PANK1: variants seen among roughly 807,000 people sequenced by gnomAD.
PANK1 encodes pantothenic acid kinase 1.
Under a neutral mutation model 40.1 loss-of-function variants are expected in PANK1, and 18 were observed. That is an observed-to-expected ratio of 0.45 (90% CI 0.31 to 0.67). The LOEUF is 0.67. Among genes scored for constraint, PANK1 ranks in the 30% least tolerant of loss-of-function variants. The pLI is 0.06. For missense variants in PANK1, 457 were observed against 599.6 expected (o/e 0.76, Z 2.48); for synonymous variants, 242 against 237.7 (o/e 1.02, Z -0.17).
In PANK1 at chr10:89,601,309, T is replaced by TAAA. The variant is rs11317815; in HGVS notation, c.646-1807_646-1805dup. 5.5e-4 allele frequency among the ~76,000 whole-genome samples: 29 copies of TAAA among 52,658 alleles called. 1 individual carries two copies. The highest frequency in any genetic ancestry group is 4.8e-3 in the South Asian group (5 of 1,044). The allele number at this position is 52,658 out of a possible 152,430, so 34.5% of individuals were successfully genotyped here. On this transcript the variant is annotated intron_variant, in intron 2 of 6. Transcript: ENST00000307534. ...GGGCAATATACGGAGACCCATCTCTTAAAAAAAAAAAAAAAAAAAAAAAAA... is the reference window on the plus strand; with the variant it reads ...GGGCAATATACGGAGACCCATCTCTTAAAAAAAAAAAAAAAAAAAAAAAAAAAA...
In PANK1 at chr10:89,644,643, G is replaced by A; in HGVS notation, c.249C>T (p.Cys83=). Residue 83 remains cysteine, a synonymous_variant, in exon 1 of 7, where the codon TGC becomes TGT. Coordinates refer to ENST00000307534, the MANE Select transcript of PANK1 (RefSeq NM_148977.3). ...LPQHDSPAKK[C]RLRRRMDSGR... ...CCGAGTCCATCCTCCTCCGCAGCCG[G>A]CATTTCTTGGCCGGGGAGTCATGCT... 3 of 1,583,272 alleles carry A rather than the reference G, an allele frequency of 1.9e-6. No individual in the cohort carries two copies. The highest frequency in any genetic ancestry group is 1.4e-5 in the African/African-American group (1 of 72,710).
rs189101497 is a variant in PANK1, at chr10:89,584,247, G to A, written c.*159C>T. On this transcript the variant is annotated 3_prime_UTR_variant, in exon 7 of 7. Transcript: ENST00000307534. ...TGAATCATTAGCTCAAAACCTAAGA[G>A]TAAAAGATCATCTGGAAGGATTTTA... The A allele has an allele frequency of 2.0e-4, 122 of 600,578 alleles. 1 individual carries two copies. The South Asian group carries it at 2.8e-3, about 14-fold the overall frequency. The allele number at this position is 600,578 out of a possible 1,614,324, so 37.2% of individuals were successfully genotyped here. A position where few individuals can be genotyped will look rare whatever the true frequency, so the allele number is the denominator to read the frequency against.
intron 1 of PANK1, among the ~76,000 whole-genome samples, chr10:89,616,649 G>A (rs1177693493): frequency 2.6e-5 from 4 of 152,046 alleles, no homozygotes; most frequent in African/African-American, 7.2e-5. Flanking sequence ...AAAGACAGGC[G>A]CGGTGGTTCA....
chr10:89,643,645 C>A (rs1842027259), intron 1 of PANK1: 3 of 1,387,232 alleles, frequency 2.2e-6, no homozygotes, highest in Non-Finnish European at 3.0e-6. Context: ...CTATATCGAA[C>A]AGCATAACCT....
At chr10:89,633,721 A>T (rs1174170074) in intron 1 of PANK1, among the ~76,000 whole-genome samples, 1 of 152,212 alleles carries the variant, frequency 6.6e-6, no homozygotes, top group African/African-American at 2.4e-5. Flanking sequence ...ATGAAACCAA[A>T]TATCACATGC....
At chr10:89,615,698 A>G (rs1176606530) in intron 1 of PANK1, among the ~76,000 whole-genome samples, 1 of 152,168 alleles carries the variant, frequency 6.6e-6, no homozygotes, top group Non-Finnish European at 1.5e-5. Flanking sequence ...TGGCAAAAGA[A>G]ATTGGCTTTT....
chr10:89,622,340 T>C (rs1845511196), intron 1 of PANK1, among the ~76,000 whole-genome samples: 1 of 152,202 alleles, frequency 6.6e-6, no homozygotes, highest in South Asian at 2.1e-4. Context: ...AGTTTGAATT[T>C]TAGTTATAAG....
intron 1 of PANK1, among the ~76,000 whole-genome samples, chr10:89,636,556 A>C (rs1267262815): frequency 6.6e-6 from 1 of 151,922 alleles, no homozygotes; most frequent in African/African-American, 2.4e-5. Context: ...GGTTCAAGCG[A>C]TTCTGCTGCC....
At chr10:89,599,182 A>G in intron 3 of PANK1, 70 bp downstream of exon 3, 1 of 1,409,290 alleles carries the variant, frequency 7.1e-7, no homozygotes, top group Non-Finnish European at 9.7e-7. Context: ...TTCAATATAA[A>G]TAACCTTTTA....
At chr10:89,621,012 C>T (rs966438135) in intron 1 of PANK1, among the ~76,000 whole-genome samples, 14 of 152,062 alleles carry the variant, frequency 9.2e-5, no homozygotes, top group Non-Finnish European at 2.1e-4. Flanking sequence ...TAAAAAATTC[C>T]TTGTTAAGGC....
At chr10:89,610,838 A>G (rs950852908) in intron 2 of PANK1, among the ~76,000 whole-genome samples, 4 of 152,204 alleles carry the variant, frequency 2.6e-5, no homozygotes, top group Non-Finnish European at 4.4e-5. Flanking sequence ...ACTTTTGTTT[A>G]TCTAGCTTCC....
At chr10:89,604,768 T>TGAGACAGAGTCTTTCTC (rs1453128381) in intron 2 of PANK1, among the ~76,000 whole-genome samples, 72 of 152,052 alleles carry the variant, frequency 4.7e-4, no homozygotes, top group Middle Eastern at 3.4e-3. Flanking sequence ...ATGTCTTTTT[T>TGAGACAGAGTCTTTCTC]GAGACAGAGT....
chr10:89,616,839 T>C (rs1192830010), intron 1 of PANK1, among the ~76,000 whole-genome samples: 1 of 151,972 alleles, frequency 6.6e-6, no homozygotes. Flanking sequence ...GAGAATCGCT[T>C]GAACTCAGGA....
In PANK1 at chr10:89,593,278, G is replaced by A; in HGVS notation, c.1119C>T (p.Ser373=). The change falls in exon 5 of 7, where the codon AGC becomes AGT. Residue 373 remains serine (S), a synonymous_variant. Coordinates refer to ENST00000307534, the MANE Select transcript of PANK1 (RefSeq NM_148977.3). Reference sequence around the variant, plus strand: ...ATGTGGCCCGGGCGAGGTCTTCCTTGCTGATGGAATCTCGCTTTTCTTTAC... The same window carrying A: ...ATGTGGCCCGGGCGAGGTCTTCCTTACTGATGGAATCTCGCTTTTCTTTAC... ...MMSKEKRDSI[S]KEDLARATLV... 1.2e-6 allele frequency: 2 copies of A among 1,613,722 alleles called. No homozygotes were observed. The highest frequency in any genetic ancestry group is 8.5e-7 in the Non-Finnish European group (1 of 1,179,708).
chr10:89,641,255 T>A (rs193216093), intron 1 of PANK1, among the ~76,000 whole-genome samples: 2 of 152,352 alleles, frequency 1.3e-5, no homozygotes, highest in East Asian at 3.9e-4. Context: ...ATCTTTTTTA[T>A]ACTGGTTTTT....
chr10:89,587,364 T>C (rs975980688), intron 6 of PANK1, among the ~76,000 whole-genome samples: 1 of 152,220 alleles, frequency 6.6e-6, no homozygotes, highest in African/African-American at 2.4e-5. Context: ...TTTAACTATA[T>C]ACCACCTAAA....
At chr10:89,607,837 G>GCA (rs60824941) in intron 2 of PANK1, among the ~76,000 whole-genome samples, 1 of 151,544 alleles carries the variant, frequency 6.6e-6, no homozygotes, top group African/African-American at 2.4e-5. Context: ...ACAGAGCCTT[G>GCA]GTGCACAGCC....
At chr10:89,601,309 TAAAAAAAA>T (rs11317815) in intron 2 of PANK1, among the ~76,000 whole-genome samples, 1 of 52,676 alleles carries the variant, frequency 1.9e-5, no homozygotes, top group African/African-American at 8.2e-5. Flanking sequence ...ACCCATCTCT[TAAAAAAAA>T]AAAAAAAAAA....
At chr10:89,594,056 C>G (rs138908837) in intron 3 of PANK1, 67 bp from the exon 4 acceptor site, 1 of 1,097,734 alleles carries the variant, frequency 9.1e-7, no homozygotes, top group African/African-American at 1.6e-5. Context: ...TCCCCAACTA[C>G]GTCAAGACTA....
Sources: gnomAD v4.1 joint callset for allele counts (sites outside exome capture counted in the v4.1 genomes callset) on GRCh38, gnomAD v4.1.1 for gene constraint, MANE v1.5 for transcripts, NCBI Gene and HGNC (gene_info 2026-07-23, HGNC 2026-07-21) for gene names.